Variants in RSPO2 observed in about 807,000 individuals in gnomAD.
RSPO2 encodes R-spondin 2.
A neutral mutation model predicts 30.9 loss-of-function variants in RSPO2; 14 were observed. The ratio of observed to expected loss-of-function variants is 0.45; its 90% CI spans 0.30 to 0.71. The LOEUF (loss-of-function observed/expected upper bound fraction) is 0.71, where lower values mean the gene tolerates loss of function less well. Ranked by LOEUF, RSPO2 falls within the 30% of genes least tolerant of loss-of-function variation. The pLI is 0.08. For missense variants in RSPO2, 264 were observed against 301.9 expected (o/e 0.87, Z 0.93); for synonymous variants, 107 against 96.4 (o/e 1.11, Z -0.64).
intron 2 of RSPO2, among the ~76,000 whole-genome samples, chr8:108,025,081 G>A (rs1477447314): frequency 6.6e-6 from 1 of 152,060 alleles, no homozygotes; most frequent in Non-Finnish European, 1.5e-5. Context: ...AAATTTATAA[G>A]TGTATATATG....
chr8:108,026,230 C>G (rs1054176107), intron 2 of RSPO2, among the ~76,000 whole-genome samples: 1 of 152,120 alleles, frequency 6.6e-6, no homozygotes, highest in African/African-American at 2.4e-5. Flanking sequence ...CTTCAAATGT[C>G]AAGGTCATAA....
At chr8:107,957,508 G>A (rs879650235) in intron 5 of RSPO2, among the ~76,000 whole-genome samples, 2 of 152,134 alleles carry the variant, frequency 1.3e-5, no homozygotes, top group Non-Finnish European at 2.9e-5. Flanking sequence ...TTACTACAAA[G>A]ATTTGAATAA....
intron 3 of RSPO2, chr8:107,983,662 G>A (rs375986234): frequency 1.3e-6 from 2 of 1,592,448 alleles, no homozygotes; most frequent in Non-Finnish European, 8.6e-7. Flanking sequence ...GAGGCATGTG[G>A]AATTCCTTGT....
At chr8:107,981,797 C>T (rs1435325100) in intron 3 of RSPO2, among the ~76,000 whole-genome samples, 1 of 151,816 alleles carries the variant, frequency 6.6e-6, no homozygotes, top group African/African-American at 2.4e-5. Context: ...GAGTTAGAAA[C>T]CAGCCAACAT....
intron 5 of RSPO2, among the ~76,000 whole-genome samples, chr8:107,949,310 C>T (rs1329115270): frequency 6.6e-6 from 1 of 152,140 alleles, no homozygotes; most frequent in African/African-American, 2.4e-5. Flanking sequence ...CTAACTCCAC[C>T]CAGGTTGCTG....
chr8:107,922,314 CTGAG>C (rs1328475159), intron 5 of RSPO2, among the ~76,000 whole-genome samples: 9 of 152,038 alleles, frequency 5.9e-5, no homozygotes, highest in African/African-American at 2.2e-4. Flanking sequence ...AACAGTCAAG[CTGAG>C]TGCCCAATCA....
chr8:107,937,501 T>C (rs895733066), intron 5 of RSPO2, among the ~76,000 whole-genome samples: 3 of 101,480 alleles, frequency 3.0e-5, no homozygotes, highest in Non-Finnish European at 7.6e-5. Flanking sequence ...CACATAGTTA[T>C]TAAGTGGTAG....
chr8:107,990,804 T>C (rs193040559), intron 2 of RSPO2, among the ~76,000 whole-genome samples: 1 of 152,258 alleles, frequency 6.6e-6, no homozygotes, highest in African/African-American at 2.4e-5. Flanking sequence ...CTTCAAACTA[T>C]ACTACAGAGC....
intron 2 of RSPO2, among the ~76,000 whole-genome samples, chr8:108,062,954 A>G (rs1055582682): frequency 2.0e-5 from 3 of 151,936 alleles, no homozygotes; most frequent in African/African-American, 7.3e-5. Flanking sequence ...CAATAGATGC[A>G]GAAAAGGACT....
chr8:107,939,372 G>C (rs1185181130), intron 5 of RSPO2, among the ~76,000 whole-genome samples: 1 of 151,228 alleles, frequency 6.6e-6, no homozygotes, highest in Non-Finnish European at 1.5e-5. Context: ...CAAGCTGAGA[G>C]AACAAGCGAA....
At chr8:107,910,898 T>A (rs920876967) in intron 5 of RSPO2, among the ~76,000 whole-genome samples, 2 of 152,058 alleles carry the variant, frequency 1.3e-5, no homozygotes, top group Non-Finnish European at 2.9e-5. Flanking sequence ...TCTCTATTTT[T>A]AAAAAATTTT....
At chr8:108,055,702 CAT>C (rs1812222580) in intron 2 of RSPO2, among the ~76,000 whole-genome samples, 1 of 152,082 alleles carries the variant, frequency 6.6e-6, no homozygotes, top group Admixed American at 6.5e-5. Flanking sequence ...GGAAAGAATG[CAT>C]TGTTTCCCTA....
At chr8:108,049,686 G>T (rs1165180774) in intron 2 of RSPO2, among the ~76,000 whole-genome samples, 1 of 151,856 alleles carries the variant, frequency 6.6e-6, no homozygotes, top group African/African-American at 2.4e-5. Context: ...AATTTGCTGA[G>T]AATGATGGTT....
At chr8:108,048,215 T>G (rs1811967179) in intron 2 of RSPO2, among the ~76,000 whole-genome samples, 2 of 151,934 alleles carry the variant, frequency 1.3e-5, no homozygotes, top group African/African-American at 2.4e-5. Flanking sequence ...GCACCTTGCC[T>G]CTCATTATGT....
chr8:107,955,848 G>A (rs1218619358), intron 5 of RSPO2, among the ~76,000 whole-genome samples: 3 of 152,146 alleles, frequency 2.0e-5, no homozygotes, highest in Non-Finnish European at 4.4e-5. Context: ...GGCTTCAACA[G>A]GAGAAAAATC....
At chr8:108,043,660 C>T (rs543049836) in intron 2 of RSPO2, among the ~76,000 whole-genome samples, 1 of 151,678 alleles carries the variant, frequency 6.6e-6, no homozygotes, top group South Asian at 2.1e-4. Flanking sequence ...TTCTCTCATT[C>T]CATGTTTAAT....
intron 5 of RSPO2, among the ~76,000 whole-genome samples, chr8:107,947,837 T>C (rs192156731): frequency 4.4e-4 from 67 of 152,360 alleles, no homozygotes; most frequent in Non-Finnish European, 9.1e-4. Context: ...CTGCAACTTA[T>C]ATTTTTTTCT....
intron 3 of RSPO2, chr8:107,983,367 G>GA: frequency 6.2e-7 from 1 of 1,609,436 alleles, no homozygotes. Context: ...AAGCAAGATT[G>GA]AAAGCCCAGC....
At chr8:107,974,424 G>A (rs1384222383) in intron 3 of RSPO2, among the ~76,000 whole-genome samples, 4 of 152,160 alleles carry the variant, frequency 2.6e-5, no homozygotes, top group African/African-American at 4.8e-5. Context: ...AGAGATAGGA[G>A]GATGGGTTGA....
Sources: allele counts gnomAD v4.1 joint callset (sites outside exome capture counted in the v4.1 genomes callset), GRCh38; gene constraint gnomAD v4.1.1; transcripts MANE v1.5; gene names NCBI Gene and HGNC (gene_info 2026-07-23, HGNC 2026-07-21).